Variants in ZNF536 observed in about 807,000 individuals in gnomAD.
ZNF536 encodes zinc finger protein 536.
A neutral mutation model predicts 84.5 loss-of-function variants in ZNF536; 13 were observed. The ratio of observed to expected loss-of-function variants is 0.15; its 90% CI spans 0.10 to 0.24. ZNF536 has a LOEUF of 0.24. ZNF536 is among the 10% of genes least tolerant of loss of function. ZNF536 has a pLI of 1.00. For synonymous variants in ZNF536, 811 were observed against 742.5 expected (o/e 1.09, Z -1.50); for missense variants, 1,536 against 1,747.5 (o/e 0.88, Z 2.16).
chr19:30,452,488 C>G (rs1486687207), intron 2 of ZNF536, among the ~76,000 whole-genome samples: 1 of 152,204 alleles, frequency 6.6e-6, no homozygotes, highest in Non-Finnish European at 1.5e-5. Context: ...GGGGACAGGG[C>G]TGGCTTCAAC....
At chr19:30,543,325 C>T (rs573759431) in intron 3 of ZNF536, among the ~76,000 whole-genome samples, 1 of 152,332 alleles carries the variant, frequency 6.6e-6, no homozygotes, top group South Asian at 2.1e-4. Context: ...CCCTGGAAAC[C>T]TTGGGAGGCA....
intron 2 of ZNF536, among the ~76,000 whole-genome samples, chr19:30,300,101 T>C (rs530653952): frequency 6.6e-6 from 1 of 152,306 alleles, no homozygotes; most frequent in South Asian, 2.1e-4. Context: ...AGCTATTTGT[T>C]ATGAGCGTGG....
chr19:30,297,799 TG>T (rs1024907990), intron 2 of ZNF536, among the ~76,000 whole-genome samples: 7 of 152,116 alleles, frequency 4.6e-5, no homozygotes, highest in Non-Finnish European at 1.0e-4. Flanking sequence ...CATGGGAGCT[TG>T]GGCGCCAGGC....
At chr19:30,297,667 C>A (rs528136131) in intron 2 of ZNF536, among the ~76,000 whole-genome samples, 19 of 152,284 alleles carry the variant, frequency 1.2e-4, no homozygotes, top group Middle Eastern at 3.4e-3. Flanking sequence ...GAAATGATGG[C>A]CGCTCGAGTA....
At chr19:30,529,244 A>G (rs2044709607) in intron 2 of ZNF536, among the ~76,000 whole-genome samples, 1 of 152,222 alleles carries the variant, frequency 6.6e-6, no homozygotes, top group Non-Finnish European at 1.5e-5. Flanking sequence ...TATCCCAAAC[A>G]TATTATATAT....
At chr19:30,503,561 C>T (rs569207369) in intron 2 of ZNF536, among the ~76,000 whole-genome samples, 4 of 152,340 alleles carry the variant, frequency 2.6e-5, no homozygotes, top group Admixed American at 2.6e-4. Context: ...TCTTAGTCTA[C>T]ATCTTTTGTG....
rs1443226474 is a variant in ZNF536, at chr19:30,396,141, A to C, written c.-3+23585A>C. On this transcript the variant is annotated intron_variant, in intron 1 of 4. Coordinates refer to ENST00000355537, the MANE Select transcript of ZNF536 (RefSeq NM_014717.3). ...GCTCTGCCTACTTCATTATGTTGTA[A>C]AAAAAATGACTTCTCACCAAATAAC... 2.6e-5 allele frequency among the ~76,000 whole-genome samples: 4 copies of C among 152,232 alleles called. 1 individual carries two copies. The South Asian group carries it at 8.3e-4, about 32-fold the overall frequency.
At chr19:30,502,029 TA>T (rs1344283925) in intron 2 of ZNF536, among the ~76,000 whole-genome samples, 1 of 152,138 alleles carries the variant, frequency 6.6e-6, no homozygotes, top group African/African-American at 2.4e-5. Context: ...AAGCAAATTC[TA>T]AAAGGGTTGA....
intron 1 of ZNF536, among the ~76,000 whole-genome samples, chr19:30,261,715 A>AG (rs962123342): frequency 1.3e-5 from 2 of 148,480 alleles, no homozygotes; most frequent in African/African-American, 5.0e-5. Flanking sequence ...AAAAAAAAAA[A>AG]AAGAAAAAGA....
intron 1 of ZNF536, among the ~76,000 whole-genome samples, chr19:30,612,679 A>G (rs1235624315): frequency 6.6e-6 from 1 of 152,238 alleles, no homozygotes; most frequent in East Asian, 1.9e-4. Context: ...ATTTCAAAAT[A>G]TCAGATTTTC....
chr19:30,680,359 G>A (rs1055348000), intron 1 of ZNF536, among the ~76,000 whole-genome samples: 4 of 149,754 alleles, frequency 2.7e-5, no homozygotes, highest in South Asian at 2.1e-4. Flanking sequence ...CCATTAACTC[G>A]TCATTTAGCA....
At chr19:30,522,273 A>AATTTTTTG (rs1342291143) in intron 2 of ZNF536, among the ~76,000 whole-genome samples, 1 of 85,126 alleles carries the variant, frequency 1.2e-5, no homozygotes, top group South Asian at 4.0e-4. Flanking sequence ...ATATATATAT[A>AATTTTTTG]CATATATATA....
intron 3 of ZNF536, among the ~76,000 whole-genome samples, chr19:30,354,199 C>A (rs569131477): frequency 6.6e-6 from 1 of 152,158 alleles, no homozygotes; most frequent in East Asian, 1.9e-4. Context: ...GTAGCTCCAG[C>A]CTCATCAGAT....
At chr19:30,547,072 C>T (rs533186211) in intron 3 of ZNF536, among the ~76,000 whole-genome samples, 96 of 152,176 alleles carry the variant, frequency 6.3e-4, no homozygotes, top group African/African-American at 2.2e-3. Flanking sequence ...CTCTAGAAAG[C>T]GCTTATTATA....
intron 1 of ZNF536, among the ~76,000 whole-genome samples, chr19:30,675,453 G>C (rs1315145321): frequency 6.6e-6 from 1 of 152,150 alleles, no homozygotes; most frequent in African/African-American, 2.4e-5. Flanking sequence ...GACCTCGGCT[G>C]GTCCTACTCT....
intron 1 of ZNF536, among the ~76,000 whole-genome samples, chr19:30,616,898 C>T (rs1427880872): frequency 1.3e-5 from 2 of 151,904 alleles, no homozygotes; most frequent in East Asian, 3.9e-4. Context: ...ACCCTTTTCA[C>T]AAAAAGGCAT....
At chr19:30,590,882 G>A (rs1433079371) in intron 1 of ZNF536, among the ~76,000 whole-genome samples, 3 of 152,242 alleles carry the variant, frequency 2.0e-5, no homozygotes, top group African/African-American at 7.2e-5. Context: ...CCTTGGGAAG[G>A]ATGGTTGCTA....
chr19:30,600,602 G>A (rs1253876300), intron 1 of ZNF536, among the ~76,000 whole-genome samples: 1 of 152,182 alleles, frequency 6.6e-6, no homozygotes, highest in Non-Finnish European at 1.5e-5. Context: ...ATGCATTTGA[G>A]GGAGGAAGAG....
rs1039392864 is a variant in ZNF536 at position 30,269,095 on chromosome 19, G to A, written c.-189-14977G>A. ...ACGGTCTTTAGTGAACAAGGTAGGG[G>A]AAGGCTCCAGGGAGCCAATTTAGAA... is the stretch of plus-strand genomic sequence containing the variant. On this transcript the variant is annotated intron_variant, in intron 1 of 5. Coordinates refer to the ZNF536 transcript ENST00000585628. Among the ~76,000 whole-genome samples the A allele has an allele frequency of 5.3e-5, 8 of 152,210 alleles. No individual in the cohort carries two copies. The East Asian group carries it at 1.5e-3, about 29-fold the overall frequency.
Sources: gnomAD v4.1 joint callset for allele counts (sites outside exome capture counted in the v4.1 genomes callset) on GRCh38, gnomAD v4.1.1 for gene constraint, MANE v1.5 for transcripts, NCBI Gene and HGNC (gene_info 2026-07-23, HGNC 2026-07-21) for gene names.